The following ROBO2 variants were observed in gnomAD, a reference collection of about 807,000 sequenced individuals.
ROBO2 encodes the protein roundabout homolog 2.
ROBO2 carries 53 observed loss-of-function variants against 160.8 expected under a neutral mutation model. The observed-to-expected ratio is 0.33, with a 90% CI of 0.26 to 0.41. ROBO2 has a LOEUF of 0.41. Among genes scored for constraint, ROBO2 ranks in the 10% least tolerant of loss-of-function variants. The pLI, the probability that ROBO2 is intolerant of heterozygous loss-of-function variation, is 1.00. For missense variants in ROBO2, 1,577 were observed against 1,722.4 expected, an observed-to-expected ratio of 0.92 and a Z score of 1.49; for synonymous variants, 664 against 611.7, an observed-to-expected ratio of 1.09 and a Z score of -1.26.
At chr3:76,044,717 A>G (rs748778133) in intron 2 of ROBO2, among the ~76,000 whole-genome samples, 2 of 152,072 alleles carry the variant, frequency 1.3e-5, no homozygotes, top group African/African-American at 2.4e-5. Context: ...GGAATGTGCA[A>G]TGTGCATAAA....
intron 21 of ROBO2, among the ~76,000 whole-genome samples, chr3:77,608,593 C>T (rs1231470151): frequency 6.6e-6 from 1 of 152,158 alleles, no homozygotes; most frequent in East Asian, 1.9e-4. Flanking sequence ...TCCTCTGTTA[C>T]TTTAAGCTTT....
intron 2 of ROBO2, among the ~76,000 whole-genome samples, chr3:76,528,751 A>G (rs1172953340): frequency 5.3e-5 from 8 of 152,086 alleles, no homozygotes; most frequent in Admixed American, 5.2e-4. Context: ...CACCAGGGGA[A>G]GGAGGAGAGA....
intron 2 of ROBO2, among the ~76,000 whole-genome samples, chr3:77,406,326 G>T (rs1402080755): frequency 6.6e-6 from 1 of 152,136 alleles, no homozygotes; most frequent in South Asian, 2.1e-4. Context: ...AGATTTGGGT[G>T]GGGACACAGA....
intron 2 of ROBO2, among the ~76,000 whole-genome samples, chr3:76,566,842 A>G (rs548090785): frequency 6.6e-6 from 1 of 152,198 alleles, no homozygotes; most frequent in African/African-American, 2.4e-5. Flanking sequence ...TAACTTCAGC[A>G]TCCTCATCAG....
chr3:77,369,181 G>A (rs9839450), intron 2 of ROBO2, among the ~76,000 whole-genome samples: 61,551 of 151,908 alleles, frequency 0.41, 13,191 homozygotes, highest in East Asian at 0.71. Context: ...TGCCCGGGGT[G>A]TGCTTCACAC....
At chr3:77,040,596 A>G in exon 1 of ROBO2, 1 of 1,446,970 alleles carries the variant, frequency 6.9e-7, no homozygotes, top group East Asian at 2.5e-5. Context: ...ATTTGGATGG[A>G]TCTCAGTGTG....
At chr3:76,759,160 A>G (rs1481923031) in intron 2 of ROBO2, among the ~76,000 whole-genome samples, 1 of 151,842 alleles carries the variant, frequency 6.6e-6, no homozygotes, top group African/African-American at 2.4e-5. Flanking sequence ...GCAAATAAGG[A>G]AAGTGAGGCA....
At chr3:77,593,703 T>G (rs2094233595) in intron 17 of ROBO2, among the ~76,000 whole-genome samples, 3 of 152,174 alleles carry the variant, frequency 2.0e-5, no homozygotes, top group Admixed American at 2.0e-4. Context: ...GGACTTCATT[T>G]GGAAATGTGT....
intron 2 of ROBO2, among the ~76,000 whole-genome samples, chr3:76,961,860 T>C (rs866457701): frequency 6.6e-6 from 1 of 152,174 alleles, no homozygotes; most frequent in African/African-American, 2.4e-5. Flanking sequence ...GTTGTATAGA[T>C]GTGATAATTC....
intron 2 of ROBO2, among the ~76,000 whole-genome samples, chr3:77,325,256 G>A (rs1278775136): frequency 2.0e-5 from 3 of 152,168 alleles, no homozygotes; most frequent in African/African-American, 7.2e-5. Context: ...CTGTTTACTA[G>A]AGGGAGAAAT....
intron 2 of ROBO2, among the ~76,000 whole-genome samples, chr3:76,100,804 G>A (rs781005825): frequency 2.6e-5 from 4 of 152,156 alleles, no homozygotes; most frequent in Non-Finnish European, 2.9e-5. Flanking sequence ...AAGGAACACC[G>A]TACTTTCTGA....
intron 2 of ROBO2, among the ~76,000 whole-genome samples, chr3:77,171,871 A>G (rs2079674738): frequency 6.6e-6 from 1 of 152,206 alleles, no homozygotes; most frequent in African/African-American, 2.4e-5. Context: ...GCCTACCTTA[A>G]TGTGTAGAGA....
At chr3:77,323,760 C>A (rs1178639881) in intron 2 of ROBO2, among the ~76,000 whole-genome samples, 2 of 152,156 alleles carry the variant, frequency 1.3e-5, no homozygotes, top group Non-Finnish European at 2.9e-5. Flanking sequence ...ACCATACACA[C>A]ACACACAATT....
intron 2 of ROBO2, among the ~76,000 whole-genome samples, chr3:76,530,258 C>T (rs1036982248): frequency 2.6e-5 from 4 of 152,166 alleles, no homozygotes; most frequent in African/African-American, 9.7e-5. Context: ...CCTGGACTCC[C>T]AGCTGGAAAA....
chr3:76,383,272 T>C (rs2076724264), intron 2 of ROBO2, among the ~76,000 whole-genome samples: 1 of 152,222 alleles, frequency 6.6e-6, no homozygotes. Flanking sequence ...TCTGTTCAAC[T>C]CTGTTCCCCT....
At chr3:76,944,019 A>G (rs1362993447) in intron 2 of ROBO2, among the ~76,000 whole-genome samples, 4 of 152,196 alleles carry the variant, frequency 2.6e-5, no homozygotes, top group Admixed American at 2.6e-4. Flanking sequence ...AATTAAATAG[A>G]AACTTTGGTA....
chr3:77,141,352 T>C (rs947556772), intron 2 of ROBO2, among the ~76,000 whole-genome samples: 2 of 151,516 alleles, frequency 1.3e-5, no homozygotes, highest in South Asian at 4.2e-4. Context: ...CTTGGACGTA[T>C]ATCTGTTCAG....
At chr3:76,413,623 C>T (rs149884921) in intron 2 of ROBO2, among the ~76,000 whole-genome samples, 117 of 152,290 alleles carry the variant, frequency 7.7e-4, no homozygotes, top group African/African-American at 2.7e-3. Context: ...GAGTCACCTT[C>T]ACTCCAGTTC....
At chr3:77,213,162 T>C (rs553992930) in intron 2 of ROBO2, among the ~76,000 whole-genome samples, 121 of 152,314 alleles carry the variant, frequency 7.9e-4, no homozygotes, top group African/African-American at 2.7e-3. Flanking sequence ...TACCAGCTCC[T>C]CCTTGTACCT....
Sources: allele counts gnomAD v4.1 joint callset (sites outside exome capture counted in the v4.1 genomes callset), GRCh38; gene constraint gnomAD v4.1.1; transcripts MANE v1.5; gene names NCBI Gene and HGNC (gene_info 2026-07-23, HGNC 2026-07-21).